The following ABAT variants were observed in gnomAD, a reference collection of about 807,000 sequenced individuals.
ABAT encodes the protein 4-aminobutyrate aminotransferase, mitochondrial.
In ABAT, 45 loss-of-function variants were observed where a neutral mutation model predicts 64.6. The ratio of observed to expected loss-of-function variants is 0.70; its 90% confidence interval spans 0.55 to 0.89. The LOEUF (loss-of-function observed/expected upper bound fraction) is 0.89, where lower values mean the gene tolerates loss of function less well. Among genes scored for constraint, ABAT ranks in the 40% least tolerant of loss-of-function variants. ABAT has a pLI of 0.00. For missense variants in ABAT, 633 were observed against 658.4 expected (o/e 0.96, Z 0.42); for synonymous variants, 297 against 250.5 (o/e 1.19, Z -1.75).
intron 1 of ABAT, among the ~76,000 whole-genome samples, chr16:8,692,721 G>A (rs1417005816): frequency 4.6e-5 from 7 of 152,214 alleles, no homozygotes; most frequent in African/African-American, 1.4e-4. Flanking sequence ...CTATCTTGAA[G>A]GAGCAAGCAA....
At chr16:8,688,574 A>G (rs1375004892) in intron 1 of ABAT, among the ~76,000 whole-genome samples, 1 of 152,154 alleles carries the variant, frequency 6.6e-6, no homozygotes. Context: ...AAAAAAAGTA[A>G]ATTTTTCTCC....
At chr16:8,766,299 C>T (rs1364126130) in intron 9 of ABAT, 29 bp downstream of exon 9, 1 of 1,608,570 alleles carries the variant, frequency 6.2e-7, no homozygotes, top group Non-Finnish European at 8.5e-7. Context: ...GCACCACGTA[C>T]ATCTGGGGAA....
At chr16:8,735,140 C>T (rs565367003) in intron 1 of ABAT, among the ~76,000 whole-genome samples, 129 of 146,526 alleles carry the variant, frequency 8.8e-4, no homozygotes, top group Non-Finnish European at 1.6e-3. Flanking sequence ...AGCCACTGCA[C>T]TCCAGCCTGA....
chr16:8,735,888 C>A, intron 2 of ABAT, 79 bp downstream of exon 2: 1 of 1,317,990 alleles, frequency 7.6e-7, no homozygotes, highest in Non-Finnish European at 1.1e-6. Flanking sequence ...GCTGGAAGAG[C>A]CCTTGGGGAT....
rs369503600 is a variant in ABAT at position 8,764,713 on chromosome 16, C to T, written c.448-25C>T. ...GGACAGGAGTCATGATGAGCCTGGG[C>T]TCACGGCTATTTCCCTCCCCACAGG... On this transcript the variant is annotated intron_variant, in intron 7 of 15. Coordinates refer to ENST00000268251, the MANE Select transcript of ABAT (RefSeq NM_020686.6). This position sits in a 1 kb window ranked among gnomAD's most constrained non-coding sequence, Gnocchi z 4.2. 1 of 1,604,638 alleles carries T rather than the reference C, an allele frequency of 6.2e-7. No homozygotes were observed. The highest frequency in any genetic ancestry group is 8.5e-7 in the Non-Finnish European group (1 of 1,171,482).
chr16:8,740,396 C>G (rs1288256580), intron 2 of ABAT, among the ~76,000 whole-genome samples: 6 of 152,180 alleles, frequency 3.9e-5, no homozygotes, highest in Non-Finnish European at 8.8e-5. Flanking sequence ...GATGGCTCAA[C>G]TTGGCGGTTG....
rs187050724 is a variant in ABAT at position 8,684,586 on chromosome 16, A to G, written c.-42+9875A>G. Among the ~76,000 whole-genome samples the G allele has an allele frequency of 3.0e-3, 458 of 152,074 alleles. 2 individuals are homozygous for G. Among genetic ancestry groups the G allele is most frequent in the African/African-American group, 0.01 (432 of 41,474 alleles). Reference sequence around the variant, plus strand: ...TTTTAAAAATTAGCCAGGTGTGGTAATGTGCACCTGTAGTCCCAGCTACTC... The same window carrying G: ...TTTTAAAAATTAGCCAGGTGTGGTAGTGTGCACCTGTAGTCCCAGCTACTC... On this transcript the variant is annotated intron_variant, in intron 1 of 15. Transcript: ENST00000268251.
At chr16:8,766,843 C>A (rs2059960529) in intron 9 of ABAT, among the ~76,000 whole-genome samples, 1 of 151,914 alleles carries the variant, frequency 6.6e-6, no homozygotes, top group African/African-American at 2.4e-5. Context: ...GTGGCGGGTA[C>A]CTGTAATTCC....
rs186857840 is a variant in ABAT, at chr16:8,784,059, G to A, written c.*2629G>A. 89 of 152,534 alleles carry A rather than the reference G, an allele frequency of 5.8e-4. 1 individual carries two copies. Among genetic ancestry groups the A allele is most frequent in the African/African-American group, 2.1e-3 (88 of 41,582 alleles). 9.4% of individuals were successfully genotyped at this position (152,534 alleles called of 1,614,324 possible). A position where few individuals can be genotyped will look rare whatever the true frequency, so the allele number is the denominator to read the frequency against. On this transcript the variant is annotated 3_prime_UTR_variant, in exon 16 of 16. Coordinates refer to ENST00000268251, the MANE Select transcript of ABAT (RefSeq NM_020686.6). ...TCAAGATTGTAGAAACTCAGCAGAAGCTGGTAAAAACATGGGGAGCCCGGA... is the reference window on the plus strand; with the variant it reads ...TCAAGATTGTAGAAACTCAGCAGAAACTGGTAAAAACATGGGGAGCCCGGA...
chr16:8,719,629 C>T (rs1412207362), intron 1 of ABAT, among the ~76,000 whole-genome samples: 2 of 152,116 alleles, frequency 1.3e-5, no homozygotes, highest in Non-Finnish European at 1.5e-5. Context: ...GCAGGACCAC[C>T]GCATGTGCCA....
At chr16:8,737,143 C>G (rs184818281) in intron 2 of ABAT, 1 of 152,114 alleles carries the variant, frequency 6.6e-6, no homozygotes, top group Non-Finnish European at 1.5e-5. Context: ...ACAGTAGGAG[C>G]GTTCGCCCCT....
intron 1 of ABAT, among the ~76,000 whole-genome samples, chr16:8,722,343 C>T (rs146313260): frequency 2.0e-3 from 309 of 152,256 alleles, no homozygotes; most frequent in Non-Finnish European, 3.5e-3. Context: ...AGGGGTTTCA[C>T]TATGTTAGCC....
At chr16:8,686,331 G>T (rs1372616658) in intron 1 of ABAT, among the ~76,000 whole-genome samples, 1 of 152,244 alleles carries the variant, frequency 6.6e-6, no homozygotes, top group Non-Finnish European at 1.5e-5. Context: ...GGGGCTGGAA[G>T]CAGGGCTCAA....
chr16:8,690,976 G>A (rs2057565683), intron 1 of ABAT, among the ~76,000 whole-genome samples: 1 of 152,124 alleles, frequency 6.6e-6, no homozygotes, highest in Non-Finnish European at 1.5e-5. Context: ...ACTGCTTCAG[G>A]GAGGTTTTAG....
intron 1 of ABAT, chr16:8,713,026 C>T (rs1220685102): frequency 1.3e-5 from 2 of 152,156 alleles, no homozygotes; most frequent in Non-Finnish European, 2.9e-5. Context: ...GTTGACCCAG[C>T]ATGGGCTACA....
intron 1 of ABAT, among the ~76,000 whole-genome samples, chr16:8,704,563 A>T (rs1239633463): frequency 6.6e-6 from 1 of 152,178 alleles, no homozygotes; most frequent in African/African-American, 2.4e-5. Context: ...TCCAAAATGC[A>T]ACGGTGCTAA....
In ABAT at chr16:8,783,810, C is replaced by T. The variant is rs1430127579; in HGVS notation, c.*2380C>T. The T allele has an allele frequency of 6.6e-6, 1 of 152,124 alleles. No individual in the cohort carries two copies. The highest frequency in any genetic ancestry group is 1.9e-4 in the East Asian group (1 of 5,192). 9.4% of individuals were successfully genotyped at this position (152,124 alleles called of 1,614,324 possible). On this transcript the variant is annotated 3_prime_UTR_variant, in exon 16 of 16. Coordinates refer to ENST00000268251, the MANE Select transcript of ABAT (RefSeq NM_020686.6). ...GGGAGAGGGGCTCCAATATTTCGTT[C>T]TCTCCCCATGGGGCACTGACAGAGA...
chr16:8,737,108 G>A (rs920179660), intron 2 of ABAT: 2 of 152,292 alleles, frequency 1.3e-5, no homozygotes, highest in African/African-American at 2.4e-5. Flanking sequence ...GTTGAATGCT[G>A]GTGTGTATGT....
chr16:8,689,525 T>C (rs1480816524), intron 1 of ABAT, among the ~76,000 whole-genome samples: 3 of 152,224 alleles, frequency 2.0e-5, no homozygotes, highest in Non-Finnish European at 4.4e-5. Context: ...TCTAATCATA[T>C]GCACAACTTC....
Sources: gnomAD v4.1 joint callset for allele counts (sites outside exome capture counted in the v4.1 genomes callset) on GRCh38, gnomAD v4.1.1 for gene constraint, Gnocchi (gnomAD v3.1) non-coding constraint, MANE v1.5 for transcripts, NCBI Gene and HGNC (gene_info 2026-07-23, HGNC 2026-07-21) for gene names.